Variants in ITGA11 observed in about 807,000 individuals in gnomAD.
ITGA11 encodes integrin alpha-11.
Under a neutral mutation model 141.9 loss-of-function variants are expected in ITGA11, and 97 were observed. The ratio of observed to expected loss-of-function variants is 0.68; its 90% CI spans 0.58 to 0.81. The LOEUF (loss-of-function observed/expected upper bound fraction) is 0.81, where lower values mean the gene tolerates loss of function less well. ITGA11 is among the 30% of genes least tolerant of loss of function. ITGA11 has a pLI of 0.00. For missense variants in ITGA11, 1,387 were observed against 1,559.2 expected (o/e 0.89, Z 1.86); for synonymous variants, 658 against 624.6 (o/e 1.05, Z -0.80).
Position 68,431,030 on chromosome 15 carries a change from G to T in ITGA11, c.52+985C>A, listed in dbSNP as rs572046162. On this transcript the variant is annotated intron_variant, in intron 1 of 29. Coordinates refer to ENST00000315757, the MANE Select transcript of ITGA11 (RefSeq NM_001004439.2). ...CGCAGAAGGGGAGGCAAGGTTGAGC[G>T]CCCACACCCGGCCAGTAACCGAGGC... 1.5e-3 allele frequency among the ~76,000 whole-genome samples: 230 copies of T among 152,360 alleles called. 1 individual carries two copies. Among genetic ancestry groups the T allele is most frequent in the Non-Finnish European group, 2.6e-3 (179 of 68,034 alleles).
At chr15:68,356,151 A>G (rs1052058460) in intron 7 of ITGA11, among the ~76,000 whole-genome samples, 1 of 152,006 alleles carries the variant, frequency 6.6e-6, no homozygotes, top group African/African-American at 2.4e-5. Flanking sequence ...GCTGGAGTGC[A>G]GTGGCACCAT....
intron 3 of ITGA11, among the ~76,000 whole-genome samples, chr15:68,367,795 G>C (rs1895472889): frequency 6.6e-6 from 1 of 152,190 alleles, no homozygotes; most frequent in South Asian, 2.1e-4. Flanking sequence ...TTACACACGA[G>C]TAAACTGAGG....
At position 68,297,251 on chromosome 15, in the gene ITGA11, G is replaced by A. The variant is rs970475791; in HGVS notation, c.*5808C>T. 1 of 152,164 alleles carries A rather than the reference G, an allele frequency of 6.6e-6. No homozygotes were observed. The highest frequency in any genetic ancestry group is 2.1e-4 in the South Asian group (1 of 4,818). The allele number at this position is 152,164 out of a possible 1,614,324, so 9.4% of individuals were successfully genotyped here. The stretch of plus-strand genomic sequence containing the variant: ...GATGTGAGCCACCACACCTGGCCTT[G>A]GACTAGTATTTCTTCATTTGTCTTT... On this transcript the variant is annotated 3_prime_UTR_variant, in exon 30 of 30. Transcript: ENST00000315757.
intron 10 of ITGA11, among the ~76,000 whole-genome samples, chr15:68,347,320 GAA>G (rs1894772735): frequency 6.6e-6 from 1 of 152,224 alleles, no homozygotes; most frequent in Non-Finnish European, 1.5e-5. Context: ...AGAAGGCACT[GAA>G]AAGAGTGGCT....
intron 22 of ITGA11, 105 bp from the exon 23 acceptor site, chr15:68,313,973 G>T (rs1893485589): frequency 3.5e-6 from 3 of 850,334 alleles, no homozygotes; most frequent in Non-Finnish European, 5.8e-6. Context: ...CTTATCTGGG[G>T]CTGATGGGCA....
At chr15:68,382,526 C>T (rs939068805) in intron 2 of ITGA11, among the ~76,000 whole-genome samples, 1 of 152,222 alleles carries the variant, frequency 6.6e-6, no homozygotes, top group Non-Finnish European at 1.5e-5. Flanking sequence ...GGGTCACATC[C>T]AGACGTCTGG....
At chr15:68,412,340 C>T (rs976252544) in intron 1 of ITGA11, among the ~76,000 whole-genome samples, 1 of 152,140 alleles carries the variant, frequency 6.6e-6, no homozygotes, top group Non-Finnish European at 1.5e-5. Flanking sequence ...GGGCCCGGGC[C>T]TACCCTGTCA....
Position 68,308,597 on chromosome 15 carries a change from G to C in ITGA11, c.3175-901C>G, listed in dbSNP as rs947061377. On this transcript the variant is annotated intron_variant, in intron 26 of 29. Transcript: ENST00000315757. This position sits in a 1 kb window ranked among gnomAD's most constrained non-coding sequence, Gnocchi z 5.2. Reference sequence around the variant, plus strand: ...TCTATTAAAAAAATACAAAAAATTAGCCAGCCGTGGTGGCACGCGCCTGTA... The same window carrying C: ...TCTATTAAAAAAATACAAAAAATTACCCAGCCGTGGTGGCACGCGCCTGTA... 6.6e-6 allele frequency among the ~76,000 whole-genome samples: 1 copy of C among 152,074 alleles called. No individual in the cohort carries two copies. Among genetic ancestry groups the C allele is most frequent in the Non-Finnish European group, 1.5e-5 (1 of 68,026 alleles).
At chr15:68,319,809 C>A (rs1893728860) in intron 20 of ITGA11, among the ~76,000 whole-genome samples, 1 of 152,190 alleles carries the variant, frequency 6.6e-6, no homozygotes, top group African/African-American at 2.4e-5. Context: ...GTTCTCAGCC[C>A]TGGCTGCACA....
intron 1 of ITGA11, among the ~76,000 whole-genome samples, chr15:68,420,620 A>C (rs1046563958): frequency 1.3e-5 from 2 of 149,712 alleles, no homozygotes; most frequent in Admixed American, 6.6e-5. Flanking sequence ...CTTATCTAAA[A>C]GGAGTGATTG....
intron 2 of ITGA11, among the ~76,000 whole-genome samples, chr15:68,372,914 G>C (rs1043717857): frequency 6.6e-6 from 1 of 152,172 alleles, no homozygotes; most frequent in African/African-American, 2.4e-5. Context: ...AAGATGATAT[G>C]TACCCCTAAT....
intron 6 of ITGA11, among the ~76,000 whole-genome samples, 195 bp from the exon 7 acceptor site, chr15:68,357,494 C>T (rs1198510374): frequency 2.0e-5 from 3 of 152,124 alleles, no homozygotes; most frequent in African/African-American, 7.2e-5. Flanking sequence ...GAATGGACAG[C>T]TTGGTGGCAC....
chr15:68,312,772 C>A lies in ITGA11; in HGVS notation c.2973+1G>T, dbSNP rs1360840449. On this transcript the variant is annotated splice_donor_variant, in intron 24 of 29. Transcript: ENST00000315757. LOFTEE classifies it high-confidence loss of function. ...TCTACCCGGCTCCCCTCCAGCCTCA[C>A]CCTGAAGATGCAGCTGAAGGGAGGC... The A allele has an allele frequency of 6.2e-7, 1 of 1,610,624 alleles. No homozygotes were observed. The highest frequency in any genetic ancestry group is 8.5e-7 in the Non-Finnish European group (1 of 1,177,190).
At chr15:68,316,606 C>T (rs1893586578) in intron 21 of ITGA11, among the ~76,000 whole-genome samples, 1 of 152,206 alleles carries the variant, frequency 6.6e-6, no homozygotes, top group Admixed American at 6.5e-5. Context: ...GAGCCCTCAT[C>T]CCCACTCCCA....
Position 68,300,687 on chromosome 15 carries a change from T to G in ITGA11, c.*2372A>C, listed in dbSNP as rs1381953621. The G allele has an allele frequency of 6.6e-6, 1 of 150,710 alleles. No homozygotes were observed. Among genetic ancestry groups the G allele is most frequent in the Non-Finnish European group, 1.5e-5 (1 of 67,758 alleles). 9.3% of individuals were successfully genotyped at this position (150,710 alleles called of 1,614,324 possible). A position where few individuals can be genotyped will look rare whatever the true frequency, so the allele number is the denominator to read the frequency against. ...GTTTGTCCACCTTTTGACCACTTAG[T>G]TGGTCTTGGTGTAGGTCTGGGGAAG... On this transcript the variant is annotated 3_prime_UTR_variant, in exon 30 of 30. Transcript: ENST00000315757.
In ITGA11 at chr15:68,303,066, A is replaced by G. The variant is rs996060166; in HGVS notation, c.3560T>C (p.Leu1187Pro). The change falls in exon 30 of 30, where the codon CTG (leucine) becomes CCG (proline). Residue 1187 changes from leucine (L) to proline (P), a missense_variant. Coordinates refer to ENST00000315757, the MANE Select transcript of ITGA11 (RefSeq NM_001004439.2). This position sits in a 1 kb window ranked among gnomAD's most constrained non-coding sequence, Gnocchi z 5.3. ...EPGLDPTPKV[L>P]E ...AAAGTCTCCTCTGGAGCCTCACTCCAGCACTTTGGGGGTGGGGTCCAGACC... is the reference window on the plus strand; with the variant it reads ...AAAGTCTCCTCTGGAGCCTCACTCCGGCACTTTGGGGGTGGGGTCCAGACC... 3.9e-6 allele frequency: 6 copies of G among 1,549,728 alleles called. No homozygotes were observed. In the African/African-American group the frequency reaches 6.9e-5, roughly 18 times the overall value.
At chr15:68,323,376 T>C (rs1395804769) in intron 18 of ITGA11, among the ~76,000 whole-genome samples, 2 of 152,228 alleles carry the variant, frequency 1.3e-5, no homozygotes, top group Non-Finnish European at 2.9e-5. Flanking sequence ...AACTATATAA[T>C]GACCTTCAGA....
chr15:68,382,476 A>C (rs961065016), intron 2 of ITGA11, among the ~76,000 whole-genome samples: 12 of 152,164 alleles, frequency 7.9e-5, no homozygotes, highest in Non-Finnish European at 1.5e-5. Flanking sequence ...ACCCTTTAAC[A>C]CAAGGACATC....
chr15:68,365,319 C>G (rs532590886), intron 3 of ITGA11: 39 of 985,322 alleles, frequency 4.0e-5, no homozygotes, highest in Non-Finnish European at 4.0e-5. Context: ...GCCAACTCAA[C>G]GAGAGCCTTC....
Sources: gnomAD v4.1 joint callset for allele counts (sites outside exome capture counted in the v4.1 genomes callset) on GRCh38, gnomAD v4.1.1 for gene constraint, Gnocchi (gnomAD v3.1) non-coding constraint, MANE v1.5 for transcripts, NCBI Gene and HGNC (gene_info 2026-07-23, HGNC 2026-07-21) for gene names.